The following FOXP2 variants were observed in gnomAD, a reference collection of about 807,000 sequenced individuals.
FOXP2 encodes the protein forkhead box protein P2.
Under a neutral mutation model 115.8 loss-of-function variants are expected in FOXP2, and 12 were observed. That is an observed-to-expected ratio of 0.10 (90% CI 0.07 to 0.17). The LOEUF (loss-of-function observed/expected upper bound fraction) is 0.17. Ranked by LOEUF, FOXP2 falls within the 10% of genes least tolerant of loss-of-function variation. The probability of loss-of-function intolerance (pLI) is 1.00; values close to 1 mark genes in which losing one functional copy is unlikely to be tolerated. For missense variants in FOXP2, 629 were observed against 843.5 expected (o/e 0.75, Z 3.15); for synonymous variants, 328 against 297.7 (o/e 1.10, Z -1.05).
At chr7:114,216,072 A>T (rs1794477395) in intron 1 of FOXP2, among the ~76,000 whole-genome samples, 1 of 152,152 alleles carries the variant, frequency 6.6e-6, no homozygotes, top group Admixed American at 6.5e-5. Context: ...TTCTTTACAG[A>T]AAGAATTGAA....
Position 114,212,122 on chromosome 7 carries a change from A to AATAAAATAAAATAT in FOXP2, c.-102+49037_-102+49038insAAATAAAATATATA, listed in dbSNP as rs67192679. Among the ~76,000 whole-genome samples the AATAAAATAAAATAT allele has an allele frequency of 1.1e-4, 14 of 131,036 alleles. 1 individual carries two copies. The highest frequency in any genetic ancestry group is 6.6e-4 in the East Asian group (3 of 4,556). 86.0% of individuals were successfully genotyped at this position (131,036 alleles called of 152,430 possible). A position where few individuals can be genotyped will look rare whatever the true frequency, so the allele number is the denominator to read the frequency against. ...AATAAAATAAAATAAAATAAAATAAAATATATATATATATTCTTTGTTTCC... is the reference window on the plus strand; with the variant it reads ...AATAAAATAAAATAAAATAAAATAAAATAAAATAAAATATATATATATATATATTCTTTGTTTCC... On this transcript the variant is annotated intron_variant, in intron 1 of 17. Transcript: ENST00000634411.
At chr7:114,324,886 T>G (rs938835872) in intron 2 of FOXP2, among the ~76,000 whole-genome samples, 1 of 151,842 alleles carries the variant, frequency 6.6e-6, no homozygotes, top group South Asian at 2.1e-4. Context: ...TCCAGTTCCT[T>G]TGGGAGATAA....
chr7:114,659,719 A>G lies in FOXP2; in HGVS notation c.1647+46A>G, dbSNP rs72603568. The G allele has an allele frequency of 0.033, 45,728 of 1,391,434 alleles. 4,756 individuals carry two copies. In the East Asian group the frequency reaches 0.39, roughly 12 times the overall value. The allele number at this position is 1,391,434 out of a possible 1,614,324, so 86.2% of individuals were successfully genotyped here. A position where few individuals can be genotyped will look rare whatever the true frequency, so the allele number is the denominator to read the frequency against. On this transcript the variant is annotated intron_variant, in intron 13 of 16. Transcript: ENST00000350908. ...TTTAAGATGCCTACCACAGTTCCTT[A>G]CAGATAGCACAAGGAACATTTATTT... is the stretch of plus-strand genomic sequence containing the variant.
intron 1 of FOXP2, among the ~76,000 whole-genome samples, chr7:114,209,394 C>G (rs1473375443): frequency 1.3e-5 from 2 of 152,146 alleles, no homozygotes; most frequent in Non-Finnish European, 2.9e-5. Context: ...GCTTATTTCT[C>G]TTTTGCTAGG....
intron 3 of FOXP2, among the ~76,000 whole-genome samples, chr7:114,598,108 A>G (rs188716684): frequency 7.0e-4 from 106 of 152,170 alleles, no homozygotes; most frequent in Middle Eastern, 3.4e-3. Context: ...TATAATGTTG[A>G]CTTTTTTTGT....
At chr7:114,656,889 T>C (rs771733981) in intron 10 of FOXP2, among the ~76,000 whole-genome samples, 1 of 151,748 alleles carries the variant, frequency 6.6e-6, no homozygotes, top group Non-Finnish European at 1.5e-5. Flanking sequence ...TAAAAAAAGG[T>C]TTATCTTAAG....
At chr7:114,307,159 G>A (rs913449183) in intron 2 of FOXP2, among the ~76,000 whole-genome samples, 2 of 152,024 alleles carry the variant, frequency 1.3e-5, no homozygotes, top group African/African-American at 4.8e-5. Context: ...AGTTGGTGAC[G>A]TTGTTGGCCA....
chr7:114,163,277 CAAT>C (rs1164938513), intron 1 of FOXP2, among the ~76,000 whole-genome samples: 7 of 151,956 alleles, frequency 4.6e-5, no homozygotes, highest in African/African-American at 1.4e-4. Flanking sequence ...TGATACCTTA[CAAT>C]AATAATATTT....
At chr7:114,111,712 A>G (rs1791271910) in intron 1 of FOXP2, among the ~76,000 whole-genome samples, 1 of 152,088 alleles carries the variant, frequency 6.6e-6, no homozygotes, top group Admixed American at 6.6e-5. Flanking sequence ...AGGATTTAAA[A>G]AAATATATCC....
intron 2 of FOXP2, among the ~76,000 whole-genome samples, chr7:114,374,915 G>A (rs1792105017): frequency 6.6e-6 from 1 of 152,154 alleles, no homozygotes; most frequent in African/African-American, 2.4e-5. Context: ...GCTCAGGAGA[G>A]TTTCCATAGA....
chr7:114,292,013 T>TATATATTATAGATAATATATAG (rs1290236034), intron 2 of FOXP2, among the ~76,000 whole-genome samples: 2 of 51,466 alleles, frequency 3.9e-5, no homozygotes, highest in Admixed American at 2.6e-4. Flanking sequence ...TATATAGATA[T>TATATATTATAGATAATATATAG]AACATTAAAA....
At chr7:114,267,736 T>C (rs528058612) in intron 1 of FOXP2, among the ~76,000 whole-genome samples, 1 of 107,728 alleles carries the variant, frequency 9.3e-6, no homozygotes, top group African/African-American at 4.7e-5. Context: ...CAAAAATAAA[T>C]AAATAAATAA....
intron 2 of FOXP2, among the ~76,000 whole-genome samples, chr7:114,367,033 T>C (rs1791898054): frequency 1.3e-5 from 2 of 152,164 alleles, no homozygotes; most frequent in African/African-American, 2.4e-5. Context: ...ATGTAGAGCA[T>C]GTGCATTGTG....
At chr7:114,443,300 T>TA (rs1386322360) in intron 2 of FOXP2, among the ~76,000 whole-genome samples, 4 of 152,212 alleles carry the variant, frequency 2.6e-5, no homozygotes, top group African/African-American at 9.6e-5. Flanking sequence ...TCTTTAATTT[T>TA]AAAAAAGAAT....
intron 1 of FOXP2, among the ~76,000 whole-genome samples, chr7:114,281,208 G>T (rs1584604664): frequency 7.0e-6 from 1 of 142,654 alleles, no homozygotes; most frequent in Non-Finnish European, 1.5e-5. Flanking sequence ...TTTAAGCAAT[G>T]CTCATGCCTC....
chr7:114,593,763 T>C (rs1802555810), intron 3 of FOXP2, among the ~76,000 whole-genome samples: 1 of 152,026 alleles, frequency 6.6e-6, no homozygotes, highest in South Asian at 2.1e-4. Context: ...ACCAGAAATT[T>C]TATAAGAACT....
chr7:114,305,678 A>G (rs1046072156), intron 2 of FOXP2, among the ~76,000 whole-genome samples: 1 of 152,154 alleles, frequency 6.6e-6, no homozygotes, highest in Non-Finnish European at 1.5e-5. Context: ...CTTTCCCACT[A>G]GCTCCTTGGA....
rs181040099 is a variant in FOXP2 at position 114,511,216 on chromosome 7, G to C, written c.169-23401G>C. On this transcript the variant is annotated intron_variant, in intron 2 of 16. Coordinates refer to ENST00000350908, the MANE Select transcript of FOXP2 (RefSeq NM_014491.4). ...ACCAGGGCCTGTCAGGGGGTGGGGG[G>C]CTAGGGGAGGGATAGCATTAGGAGA... Among the ~76,000 whole-genome samples the C allele has an allele frequency of 5.1e-3, 777 of 152,114 alleles. 10 individuals are homozygous for C. Among genetic ancestry groups the C allele is most frequent in the East Asian group, 0.033 (172 of 5,158 alleles).
chr7:114,232,673 C>T (rs560553744), intron 1 of FOXP2, among the ~76,000 whole-genome samples: 56 of 152,038 alleles, frequency 3.7e-4, no homozygotes, highest in African/African-American at 1.3e-3. Flanking sequence ...ATTATCCAGG[C>T]ATGGTGGCAT....
Sources: allele counts gnomAD v4.1 joint callset (sites outside exome capture counted in the v4.1 genomes callset), GRCh38; gene constraint gnomAD v4.1.1; transcripts MANE v1.5; gene names NCBI Gene and HGNC (gene_info 2026-07-23, HGNC 2026-07-21).